Variants in RNF220 observed in about 807,000 individuals in gnomAD.
RNF220 encodes ring finger protein 220.
RNF220 carries 7 observed loss-of-function variants against 67.1 expected under a neutral mutation model. The ratio of observed to expected loss-of-function variants is 0.10; its 90% CI spans 0.06 to 0.20. RNF220 has a LOEUF of 0.20. Ranked by LOEUF, RNF220 falls within the 10% of genes least tolerant of loss-of-function variation. The pLI is 1.00. For missense variants in RNF220, 565 were observed against 740.3 expected (o/e 0.76, Z 2.75); for synonymous variants, 270 against 283.2 (o/e 0.95, Z 0.47).
intron 2 of RNF220, among the ~76,000 whole-genome samples, chr1:44,580,028 CACAA>C (rs1665122000): frequency 3.0e-4 from 3 of 10,144 alleles, no homozygotes; most frequent in African/African-American, 7.0e-4. Flanking sequence ...GACCCTGTCT[CACAA>C]AAAAAAAAAA....
chr1:44,613,552 G>A (rs1643411077), intron 2 of RNF220, among the ~76,000 whole-genome samples: 1 of 152,024 alleles, frequency 6.6e-6, no homozygotes, highest in Non-Finnish European at 1.5e-5. Context: ...GCCAGGATTC[G>A]AAACCAGCCT....
chr1:44,412,072 A>AATT lies in RNF220; in HGVS notation c.-25_-24insTTA. The AATT allele has an allele frequency of 6.3e-7, 1 of 1,587,626 alleles. No individual in the cohort carries two copies. The highest frequency in any genetic ancestry group is 8.6e-7 in the Non-Finnish European group (1 of 1,165,092). ...TCCCAGGGAAGACTGCTTCTTGCGT[A>AATT]ACGCCGGCCACAGAAAGAGACTCCG... is the stretch of plus-strand genomic sequence containing the variant. On this transcript the variant is annotated 5_prime_UTR_variant, in exon 2 of 15. Coordinates refer to ENST00000361799, the MANE Select transcript of RNF220 (RefSeq NM_018150.4). The surrounding 1 kb of genome is among the most constrained non-coding windows in gnomAD (Gnocchi z 5.3).
At chr1:44,512,830 G>C (rs1447426858) in intron 2 of RNF220, among the ~76,000 whole-genome samples, 1 of 152,148 alleles carries the variant, frequency 6.6e-6, no homozygotes, top group Admixed American at 6.5e-5. Context: ...AGGTGGCACA[G>C]GGGCCTCACC....
intron 2 of RNF220, among the ~76,000 whole-genome samples, chr1:44,519,198 T>G (rs960842645): frequency 3.9e-5 from 6 of 152,222 alleles, no homozygotes; most frequent in Non-Finnish European, 8.8e-5. Flanking sequence ...ATAAGCGTGT[T>G]GTGTTTTGAG....
At chr1:44,439,121 C>T (rs543144296) in intron 2 of RNF220, among the ~76,000 whole-genome samples, 3 of 152,238 alleles carry the variant, frequency 2.0e-5, no homozygotes, top group South Asian at 4.1e-4. Context: ...GATATATTCT[C>T]GAAAGTAGAA....
intron 2 of RNF220, among the ~76,000 whole-genome samples, chr1:44,543,852 A>G (rs761192521): frequency 1.1e-4 from 17 of 152,178 alleles, no homozygotes; most frequent in South Asian, 4.1e-4. Context: ...CAAAAGGTCA[A>G]CGCCAGCTCT....
chr1:44,629,300 G>A (rs986630024), intron 5 of RNF220, among the ~76,000 whole-genome samples: 3 of 152,244 alleles, frequency 2.0e-5, no homozygotes, highest in Non-Finnish European at 4.4e-5. Context: ...CGAGTGATGA[G>A]GAAAGGCAGC....
chr1:44,502,151 T>TCA (rs1276804965), intron 2 of RNF220, among the ~76,000 whole-genome samples: 4 of 120,742 alleles, frequency 3.3e-5, no homozygotes, highest in African/African-American at 1.2e-4. Flanking sequence ...TCTCTCTCTC[T>TCA]CTCTCTCACA....
chr1:44,618,204 CAGAG>C (rs1423181440), intron 3 of RNF220, among the ~76,000 whole-genome samples: 1 of 152,204 alleles, frequency 6.6e-6, no homozygotes, highest in African/African-American at 2.4e-5. Context: ...CACGGGCTCA[CAGAG>C]AGAAGCAGGA....
rs148221575 is a variant in RNF220, at chr1:44,605,221, C to T, written c.626-8944C>T. 2.0e-3 allele frequency among the ~76,000 whole-genome samples: 306 copies of T among 149,922 alleles called. 2 individuals are homozygous for T. The highest frequency in any genetic ancestry group is 1.9e-3 in the Non-Finnish European group (130 of 67,702). On this transcript the variant is annotated intron_variant, in intron 2 of 14. Coordinates refer to ENST00000361799, the MANE Select transcript of RNF220 (RefSeq NM_018150.4). ...GGCTGAGGCAGGATAATCACTTGAA[C>T]GCAGGAGGCAGAGGTTGCAGTGAGC...
intron 2 of RNF220, among the ~76,000 whole-genome samples, chr1:44,524,388 G>T (rs1660194253): frequency 6.6e-6 from 1 of 152,016 alleles, no homozygotes; most frequent in Non-Finnish European, 1.5e-5. Flanking sequence ...GGCTGTTGGG[G>T]GCAGAGAGTG....
chr1:44,601,035 T>C (rs1029038351), intron 2 of RNF220, among the ~76,000 whole-genome samples: 2 of 152,214 alleles, frequency 1.3e-5, no homozygotes, highest in Non-Finnish European at 2.9e-5. Flanking sequence ...TGTACAAGTA[T>C]GTTATTGCAT....
At chr1:44,521,254 AG>A (rs1465130184) in intron 2 of RNF220, among the ~76,000 whole-genome samples, 3 of 152,202 alleles carry the variant, frequency 2.0e-5, no homozygotes, top group Non-Finnish European at 4.4e-5. Flanking sequence ...GCCCCAGTAC[AG>A]GATAGGAGAG....
intron 2 of RNF220, among the ~76,000 whole-genome samples, chr1:44,584,305 G>A (rs1336387525): frequency 6.6e-6 from 1 of 152,224 alleles, no homozygotes; most frequent in Admixed American, 6.5e-5. Context: ...GGCGGGTCAA[G>A]CTAGTCCAAC....
chr1:44,646,291 G>A (rs1050110180), intron 12 of RNF220, among the ~76,000 whole-genome samples: 2 of 152,238 alleles, frequency 1.3e-5, no homozygotes, highest in Non-Finnish European at 2.9e-5. Context: ...CGGTGGCCCA[G>A]GGTCACCTCC....
intron 2 of RNF220, among the ~76,000 whole-genome samples, chr1:44,423,265 C>A (rs1649418915): frequency 6.6e-6 from 1 of 152,132 alleles, no homozygotes; most frequent in African/African-American, 2.4e-5. Flanking sequence ...CTTTTTTGGA[C>A]AAACTGTAGT....
chr1:44,598,057 C>T (rs1666656102), intron 2 of RNF220, among the ~76,000 whole-genome samples: 1 of 151,974 alleles, frequency 6.6e-6, no homozygotes. Flanking sequence ...CCCCTGCCCG[C>T]CCCCTCCAAG....
chr1:44,488,278 G>A (rs1656514665), intron 2 of RNF220, among the ~76,000 whole-genome samples: 1 of 151,910 alleles, frequency 6.6e-6, no homozygotes, highest in South Asian at 2.1e-4. Context: ...TGGGATTATA[G>A]GCGTGCGCCA....
intron 2 of RNF220, among the ~76,000 whole-genome samples, chr1:44,500,439 T>G (rs566315290): frequency 7.7e-4 from 117 of 152,296 alleles, no homozygotes; most frequent in Non-Finnish European, 1.4e-3. Context: ...CTCTGGCTCC[T>G]TGTCTTGCTC....
Sources: allele counts gnomAD v4.1 joint callset (sites outside exome capture counted in the v4.1 genomes callset), GRCh38; gene constraint gnomAD v4.1.1; non-coding constraint Gnocchi (gnomAD v3.1); transcripts MANE v1.5; gene names NCBI Gene and HGNC (gene_info 2026-07-23, HGNC 2026-07-21).